The following ZNF136 variants were observed in gnomAD, a reference collection of about 807,000 sequenced individuals.
ZNF136 encodes the protein zinc finger protein 136.
ZNF136 carries 8 observed loss-of-function variants against 11.4 expected under a neutral mutation model. The observed-to-expected ratio is 0.70, with a 90% CI of 0.41 to 1.27. ZNF136 has a LOEUF of 1.27. Ranked by LOEUF, ZNF136 falls within the 50% of genes most tolerant of loss-of-function variation. ZNF136 has a pLI of 0.01. For missense variants in ZNF136, 590 were observed against 656.5 expected, an observed-to-expected ratio of 0.90 and a Z score of 1.11; for synonymous variants, 190 against 207.1, an observed-to-expected ratio of 0.92 and a Z score of 0.71.
Position 12,188,189 on chromosome 19 carries a change from TGAAA to T in ZNF136, c.*192_*195del. The T allele has an allele frequency of 8.8e-6, 4 of 454,914 alleles. No individual in the cohort carries two copies. Among genetic ancestry groups the T allele is most frequent in the Non-Finnish European group, 1.5e-5 (4 of 267,684 alleles). 28.2% of individuals were successfully genotyped at this position (454,914 alleles called of 1,614,324 possible). A position where few individuals can be genotyped will look rare whatever the true frequency, so the allele number is the denominator to read the frequency against. The stretch of plus-strand genomic sequence containing the variant: ...ATCATTTTAGTTCCTTTCAAATACA[TGAAA>T]GAACTCATCATGGAGAAAACCAAAC... On this transcript the variant is annotated 3_prime_UTR_variant, in exon 4 of 4. Coordinates refer to ENST00000343979, the MANE Select transcript of ZNF136 (RefSeq NM_003437.5).
chr19:12,187,691 A>G lies in ZNF136; in HGVS notation c.1313A>G (p.His438Arg), dbSNP rs143067396. Reference protein sequence around the residue: ...AFVSSTSIRIHERTHTGEKPY... With the variant: ...AFVSSTSIRIRERTHTGEKPY... Reference sequence around the variant, plus strand: ...GTTTCTTCAACATCAATTCGAATACATGAAAGAACTCATACTGGAGAGAAA... The same window carrying G: ...GTTTCTTCAACATCAATTCGAATACGTGAAAGAACTCATACTGGAGAGAAA... The change falls in exon 4 of 4, where the codon CAT (histidine) becomes CGT (arginine). Residue 438 changes from histidine (H) to arginine (R), a missense_variant. Transcript: ENST00000343979. The G allele has an allele frequency of 1.7e-5, 28 of 1,614,052 alleles. No individual in the cohort carries two copies. Among genetic ancestry groups the G allele is most frequent in the Admixed American group, 6.7e-5 (4 of 59,998 alleles).
chr19:12,163,978 A>AT (rs1977149321), intron 1 of ZNF136, among the ~76,000 whole-genome samples: 1 of 150,740 alleles, frequency 6.6e-6, no homozygotes, highest in Admixed American at 6.6e-5. Flanking sequence ...CCTCCTATTT[A>AT]TTTTTTCCTG....
At position 12,186,685 on chromosome 19, in the gene ZNF136, G is replaced by A. The variant is rs763896060; in HGVS notation, c.307G>A (p.Glu103Lys). The A allele has an allele frequency of 1.2e-6, 2 of 1,614,160 alleles. No individual in the cohort carries two copies. Among genetic ancestry groups the A allele is most frequent in the South Asian group, 2.2e-5 (2 of 91,084 alleles). Residue 103 changes from glutamate (E) to lysine (K), a missense_variant, in exon 4 of 4, where the codon GAA (glutamate) becomes AAA (lysine). Transcript: ENST00000343979. ...SKKIPGVKLC[E>K]SIVYGEVSMG... ...GAAAATCCCTGGAGTGAAACTCTGT[G>A]AAAGCATTGTATATGGAGAAGTCAG...
intron 1 of ZNF136, among the ~76,000 whole-genome samples, chr19:12,175,467 T>C (rs1914767570): frequency 6.6e-6 from 1 of 152,160 alleles, no homozygotes; most frequent in African/African-American, 2.4e-5. Flanking sequence ...AGTGCTGGGA[T>C]TACAGGTGTG....
rs1167330266 is a variant in ZNF136, at chr19:12,189,774, T to TG, written c.*1774dup. On this transcript the variant is annotated 3_prime_UTR_variant, in exon 4 of 4. Coordinates refer to ENST00000343979, the MANE Select transcript of ZNF136 (RefSeq NM_003437.5). ...CTCGTGAATTATTATTTTAACCTGT[T>TG]GTTCTTTACTCCTTGTTATTTATTC... The TG allele has an allele frequency of 6.6e-6, 1 of 152,240 alleles. No individual in the cohort carries two copies. Among genetic ancestry groups the TG allele is most frequent in the African/African-American group, 2.4e-5 (1 of 41,458 alleles). 9.4% of individuals were successfully genotyped at this position (152,240 alleles called of 1,614,324 possible). A position where few individuals can be genotyped will look rare whatever the true frequency, so the allele number is the denominator to read the frequency against.
intron 1 of ZNF136, among the ~76,000 whole-genome samples, chr19:12,165,956 G>T (rs1356217978): frequency 6.6e-6 from 1 of 152,116 alleles, no homozygotes; most frequent in East Asian, 1.9e-4. Context: ...GGCTGGGTGC[G>T]GTGGCTCACG....
chr19:12,181,649 G>A (rs59117904), intron 1 of ZNF136, among the ~76,000 whole-genome samples: 4 of 150,954 alleles, frequency 2.6e-5, no homozygotes, highest in African/African-American at 7.3e-5. Context: ...ATTTTTTTTG[G>A]GGGGGGACAG....
chr19:12,187,740 G>A lies in ZNF136; in HGVS notation c.1362G>A (p.Gly454=), dbSNP rs1474921243. ...GEKPYECKQC[G]KAFSYLNSFR... is the part of the protein sequence containing the mutation. ...AACCCTATGAGTGTAAGCAATGTGG[G>A]AAAGCCTTCAGTTATCTCAACTCCT... The change falls in exon 4 of 4, where the codon GGG becomes GGA. Residue 454 remains glycine, a synonymous_variant. Coordinates refer to ENST00000343979, the MANE Select transcript of ZNF136 (RefSeq NM_003437.5). The A allele has an allele frequency of 1.9e-6, 3 of 1,613,306 alleles. No individual in the cohort carries two copies. The highest frequency in any genetic ancestry group is 2.5e-6 in the Non-Finnish European group (3 of 1,179,858).
At position 12,187,008 on chromosome 19, in the gene ZNF136, A is replaced by C. The variant is rs1324563680; in HGVS notation, c.630A>C (p.Arg210Ser). Residue 210 changes from arginine to serine, a missense_variant, in exon 4 of 4, where the codon AGA (arginine) becomes AGC (serine). Arg to Ser is a moderately radical substitution (Grantham distance 110). Transcript: ENST00000343979. Reference protein sequence around the residue: ...VCGKAFDYPSRFRTHERSHTG... With the variant: ...VCGKAFDYPSSFRTHERSHTG... The stretch of plus-strand genomic sequence containing the variant: ...GGAAAGCTTTTGATTATCCCAGTAG[A>C]TTTCGAACACATGAAAGAAGTCACA... 1 of 1,613,996 alleles carries C rather than the reference A, an allele frequency of 6.2e-7. No individual in the cohort carries two copies. The highest frequency in any genetic ancestry group is 8.5e-7 in the Non-Finnish European group (1 of 1,180,012).
chr19:12,187,084 A>G lies in ZNF136; in HGVS notation c.706A>G (p.Ile236Val), dbSNP rs145054183. The part of the protein sequence containing the change: ...CQECGKAFTC[I>V]TSVRRHMIKH... ...GGAATGTGGAAAAGCCTTCACTTGT[A>G]TCACAAGTGTTCGAAGACACATGAT... is the stretch of plus-strand genomic sequence containing the variant. Residue 236 changes from isoleucine to valine, a missense_variant, in exon 4 of 4, where the codon ATC (isoleucine) becomes GTC (valine). Coordinates refer to ENST00000343979, the MANE Select transcript of ZNF136 (RefSeq NM_003437.5). The G allele has an allele frequency of 1.2e-6, 2 of 1,614,046 alleles. No homozygotes were observed. The highest frequency in any genetic ancestry group is 2.7e-5 in the African/African-American group (2 of 75,006).
intron 1 of ZNF136, among the ~76,000 whole-genome samples, chr19:12,183,436 C>G (rs17448651): frequency 0.014 from 2,141 of 152,096 alleles, 43 homozygotes; most frequent in African/African-American, 0.049. Flanking sequence ...ACTCCCAGCT[C>G]CTTTTTTGTG....
rs79333951 is a variant in ZNF136, at chr19:12,173,571, A to T, written c.3+10365A>T. 9.8e-5 allele frequency among the ~76,000 whole-genome samples: 15 copies of T among 152,290 alleles called. No individual in the cohort carries two copies. The East Asian group carries it at 2.9e-3, about 29-fold the overall frequency. On this transcript the variant is annotated intron_variant, in intron 1 of 3. Transcript: ENST00000343979. Reference sequence around the variant, plus strand: ...AAGCTCCTGTGCTTGGGACCCTTGTAGACTTTGCCCTATGCTTCTCCACCT... The same window carrying T: ...AAGCTCCTGTGCTTGGGACCCTTGTTGACTTTGCCCTATGCTTCTCCACCT...
At chr19:12,164,747 T>A (rs1181837119) in intron 1 of ZNF136, 3 of 152,190 alleles carry the variant, frequency 2.0e-5, no homozygotes, top group Non-Finnish European at 2.9e-5. Context: ...CTCAAAAAAA[T>A]AATTTTCGTC....
intron 1 of ZNF136, chr19:12,164,884 A>G (rs1977164144): frequency 6.6e-6 from 1 of 152,192 alleles, no homozygotes; most frequent in Non-Finnish European, 1.5e-5. Flanking sequence ...AGTAGGTATA[A>G]TCAACTTACT....
At chr19:12,180,631 T>C (rs1171349802) in intron 1 of ZNF136, among the ~76,000 whole-genome samples, 1 of 152,196 alleles carries the variant, frequency 6.6e-6, no homozygotes, top group Admixed American at 6.5e-5. Context: ...CGGTCATTTA[T>C]ATTTCCACCT....
At chr19:12,168,307 C>G (rs1914541726) in intron 1 of ZNF136, among the ~76,000 whole-genome samples, 1 of 152,012 alleles carries the variant, frequency 6.6e-6, no homozygotes, top group African/African-American at 2.4e-5. Flanking sequence ...TTCCTGACCT[C>G]AGGTGATCTG....
At chr19:12,163,407 C>T (rs1409123074) in intron 1 of ZNF136, among the ~76,000 whole-genome samples, 2 of 152,234 alleles carry the variant, frequency 1.3e-5, no homozygotes, top group Admixed American at 6.5e-5. Context: ...GTCCTCGTCC[C>T]GCCCTGTGCC....
intron 1 of ZNF136, among the ~76,000 whole-genome samples, chr19:12,169,729 CTA>C (rs1257992239): frequency 1.3e-5 from 2 of 152,188 alleles, no homozygotes; most frequent in East Asian, 3.9e-4. Flanking sequence ...CTGCCTCAGC[CTA>C]CCGAGTAGCT....
At position 12,187,955 on chromosome 19, in the gene ZNF136, A is replaced by G. The variant is rs1915161617; in HGVS notation, c.1577A>G (p.His526Arg). ...RASFQRHMLT[H>R]AEDGPPYKCM... ...AGCTTTCAGAGACACATGTTAACAC[A>G]TGCTGAAGATGGACCACCTTATAAA... The change falls in exon 4 of 4, where the codon CAT becomes CGT. Residue 526 changes from histidine to arginine, a missense_variant. Coordinates refer to ENST00000343979, the MANE Select transcript of ZNF136 (RefSeq NM_003437.5). 4 of 1,546,768 alleles carry G rather than the reference A, an allele frequency of 2.6e-6. No individual in the cohort carries two copies. Among genetic ancestry groups the G allele is most frequent in the Non-Finnish European group, 3.5e-6 (4 of 1,153,678 alleles).
Sources: allele counts gnomAD v4.1 joint callset (sites outside exome capture counted in the v4.1 genomes callset), GRCh38; gene constraint gnomAD v4.1.1; transcripts MANE v1.5; gene names NCBI Gene and HGNC (gene_info 2026-07-23, HGNC 2026-07-21).